The following TEX15 variants were observed in gnomAD, a reference collection of about 807,000 sequenced individuals.
The protein encoded by TEX15 is testis-expressed protein 15.
A neutral mutation model predicts 237.3 loss-of-function variants in TEX15; 171 were observed. The ratio of observed to expected loss-of-function variants is 0.72; its 90% confidence interval spans 0.64 to 0.82. TEX15 has a LOEUF of 0.82. Among genes scored for constraint, TEX15 ranks in the 40% least tolerant of loss-of-function variants. The pLI, the probability that TEX15 is intolerant of heterozygous loss-of-function variation, is 0.00. For synonymous variants in TEX15, 1,338 were observed against 1,269.8 expected (o/e 1.05, Z -1.14); for missense variants, 3,750 against 3,646.5 (o/e 1.03, Z -0.73).
intron 2 of TEX15, among the ~76,000 whole-genome samples, chr8:30,895,661 C>A (rs887694216): frequency 1.5e-5 from 2 of 137,006 alleles, no homozygotes; most frequent in Non-Finnish European, 3.0e-5. Flanking sequence ...CATGTCAACA[C>A]CTTTTAAACA....
In TEX15 at chr8:30,832,022, C is replaced by A. The variant is rs1334312014; in HGVS notation, c.*1264G>T. 6.6e-6 allele frequency: 1 copy of A among 152,146 alleles called. No homozygotes were observed. Among genetic ancestry groups the A allele is most frequent in the Non-Finnish European group, 1.5e-5 (1 of 68,008 alleles). The allele number at this position is 152,146 out of a possible 1,614,324, so 9.4% of individuals were successfully genotyped here. A position where few individuals can be genotyped will look rare whatever the true frequency, so the allele number is the denominator to read the frequency against. On this transcript the variant is annotated 3_prime_UTR_variant, in exon 11 of 11. Transcript: ENST00000643185. ...TACTTCTTTCGGTTACAGTTCTTTG[C>A]TTGACCTTCCCTTTTTAAAGATCTC...
chr8:30,849,405 T>C (rs1807717934), intron 7 of TEX15, 89 bp from the exon 8 acceptor site: 3 of 744,728 alleles, frequency 4.0e-6, no homozygotes, highest in East Asian at 2.7e-5. Context: ...GTAATTTTAA[T>C]TGAAAGTTCA....
intron 7 of TEX15, among the ~76,000 whole-genome samples, chr8:30,855,336 T>C: frequency 6.6e-6 from 1 of 152,204 alleles, no homozygotes; most frequent in East Asian, 1.9e-4. Flanking sequence ...CCATTTATGA[T>C]AGCACCAAAT....
chr8:30,885,615 C>T (rs910045594), intron 3 of TEX15, among the ~76,000 whole-genome samples: 16 of 152,034 alleles, frequency 1.1e-4, no homozygotes, highest in South Asian at 2.1e-4. Context: ...AGTCTCTTAA[C>T]GTGTATTATG....
intron 1 of TEX15, among the ~76,000 whole-genome samples, chr8:30,902,045 T>C (rs983863879): frequency 1.7e-4 from 26 of 152,182 alleles, no homozygotes; most frequent in Non-Finnish European, 3.4e-4. Flanking sequence ...TTGTTGGCAA[T>C]GCAAATCCTC....
At chr8:30,872,474 GTATAC>G (rs1808311567) in intron 4 of TEX15, among the ~76,000 whole-genome samples, 1 of 152,034 alleles carries the variant, frequency 6.6e-6, no homozygotes. Context: ...TATGTATTTA[GTATAC>G]TATACTTTTT....
In TEX15 at chr8:30,842,414, C is replaced by T. The variant is rs375275165; in HGVS notation, c.7753G>A (p.Glu2585Lys). The T allele has an allele frequency of 3.7e-6, 6 of 1,613,642 alleles. No homozygotes were observed. The highest frequency in any genetic ancestry group is 2.7e-5 in the African/African-American group (2 of 74,998). The change falls in exon 8 of 11, where the codon GAA becomes AAA. Residue 2585 changes from glutamate to lysine, a missense_variant. Glu to Lys is a moderately conservative substitution (Grantham distance 56). Transcript: ENST00000643185. The stretch of plus-strand genomic sequence containing the variant: ...GTAGAAAATTGATTGTAGTTGTATT[C>T]TAACTCTGTCACAGTGCTTCCATAA... ...INYGSTVTEL[E>K]YNYNQFSTLL...
intron 7 of TEX15, among the ~76,000 whole-genome samples, chr8:30,852,088 C>T (rs902504508): frequency 1.4e-5 from 2 of 138,780 alleles, no homozygotes; most frequent in Non-Finnish European, 3.1e-5. Context: ...GCCTTATGTA[C>T]ATTAATTTAA....
chr8:30,874,340 T>C (rs1183880368), intron 4 of TEX15, among the ~76,000 whole-genome samples: 2 of 152,194 alleles, frequency 1.3e-5, no homozygotes, highest in Non-Finnish European at 2.9e-5. Context: ...TGCTAAATTG[T>C]GCTTACACAA....
chr8:30,865,140 A>G (rs1258080699), intron 5 of TEX15, among the ~76,000 whole-genome samples: 2 of 152,128 alleles, frequency 1.3e-5, no homozygotes, highest in Non-Finnish European at 2.9e-5. Context: ...AGGAAACATT[A>G]TAACTGAAAC....
rs762395085 is a variant in TEX15 at position 30,837,887 on chromosome 8, T to G, written c.8397A>C (p.Ile2799=). 1 of 1,614,204 alleles carries G rather than the reference T, an allele frequency of 6.2e-7. No individual in the cohort carries two copies. The highest frequency in any genetic ancestry group is 8.5e-7 in the Non-Finnish European group (1 of 1,180,032). The change falls in exon 10 of 11, where the codon ATA becomes ATC. Residue 2799 remains isoleucine, a synonymous_variant. Transcript: ENST00000643185. ...AGTGATCAGATGAAACAGTTAAGTCTATTTTGCTTTCCGACTTTGATGCGC... is the reference window on the plus strand; with the variant it reads ...AGTGATCAGATGAAACAGTTAAGTCGATTTTGCTTTCCGACTTTGATGCGC... ...DTCASKSESK[I]DLTVSSDHFS...
At chr8:30,901,722 T>C (rs1171617144) in intron 1 of TEX15, among the ~76,000 whole-genome samples, 1 of 152,178 alleles carries the variant, frequency 6.6e-6, no homozygotes, top group Non-Finnish European at 1.5e-5. Context: ...AAAAATCTAT[T>C]CCACTCAACC....
rs745982767 is a variant in TEX15, at chr8:30,845,452, TTTTC to T, written c.4711_4714del (p.Glu1571IlefsTer40). On this transcript the variant is annotated frameshift_variant, in exon 8 of 11. Coordinates refer to ENST00000643185, the MANE Select transcript of TEX15 (RefSeq NM_001350162.2). LOFTEE classifies it high-confidence loss of function. Reference sequence around the variant, plus strand: ...AGATAAAAATGCTGTATCAATTTGATTTTCTTTTTCTATTAGTTTCTCATCTGAG... The same window carrying T: ...AGATAAAAATGCTGTATCAATTTGATTTTTTCTATTAGTTTCTCATCTGAG... 4 of 1,612,858 alleles carry T rather than the reference TTTTC, an allele frequency of 2.5e-6. No individual in the cohort carries two copies. The highest frequency in any genetic ancestry group is 2.2e-5 in the East Asian group (1 of 44,864).
chr8:30,866,658 T>A (rs79356693), intron 5 of TEX15, among the ~76,000 whole-genome samples: 33 of 152,126 alleles, frequency 2.2e-4, no homozygotes, highest in African/African-American at 7.5e-4. Context: ...GATACTTTCA[T>A]AATACACTAT....
Position 30,847,890 on chromosome 8 carries a change from G to A in TEX15, c.2277C>T (p.Ser759=). Residue 759 remains serine (S), a synonymous_variant, in exon 8 of 11, where the codon AGC becomes AGT. Coordinates refer to ENST00000643185, the MANE Select transcript of TEX15 (RefSeq NM_001350162.2). ...GTTTCGGGAAAGCTTCAGTTATAAT[G>A]CTAGCATAATTTTGATTTATTTTCC... The part of the protein sequence containing the change: ...KLGKINQNYA[S]IITEAFPKPK... 1 of 1,613,824 alleles carries A rather than the reference G, an allele frequency of 6.2e-7. No individual in the cohort carries two copies. The highest frequency in any genetic ancestry group is 1.1e-5 in the South Asian group (1 of 91,074).
chr8:30,900,450 A>AT (rs1808986069), intron 1 of TEX15, among the ~76,000 whole-genome samples: 1 of 152,236 alleles, frequency 6.6e-6, no homozygotes, highest in South Asian at 2.1e-4. Flanking sequence ...CAACAATTAT[A>AT]TGAGTAATAT....
intron 4 of TEX15, among the ~76,000 whole-genome samples, chr8:30,870,667 G>C (rs575090233): frequency 2.0e-5 from 3 of 152,064 alleles, no homozygotes; most frequent in African/African-American, 7.2e-5. Flanking sequence ...CTGGCCCAAA[G>C]TGCAATATAA....
intron 7 of TEX15, among the ~76,000 whole-genome samples, chr8:30,851,083 T>C (rs896260053): frequency 4.6e-5 from 7 of 152,190 alleles, no homozygotes; most frequent in South Asian, 2.1e-4. Context: ...CGATATGTTA[T>C]ATGTAATCAT....
chr8:30,846,084 T>G lies in TEX15; in HGVS notation c.4083A>C (p.Leu1361=), dbSNP rs752207089. Residue 1361 remains leucine, a synonymous_variant, in exon 8 of 11, where the codon CTA becomes CTC. Coordinates refer to ENST00000643185, the MANE Select transcript of TEX15 (RefSeq NM_001350162.2). ...AAGATGCTTCATCACTTAGGATATT[T>G]AGGACACTCTTAATGTGCTTTTCTG... is the stretch of plus-strand genomic sequence containing the variant. ...SQSEKHIKSV[L]NILSDEASLC... 1.2e-5 allele frequency: 19 copies of G among 1,613,490 alleles called. No individual in the cohort carries two copies. Among genetic ancestry groups the G allele is most frequent in the Non-Finnish European group, 1.6e-5 (19 of 1,179,592 alleles).
Sources: allele counts gnomAD v4.1 joint callset (sites outside exome capture counted in the v4.1 genomes callset), GRCh38; gene constraint gnomAD v4.1.1; transcripts MANE v1.5; gene names NCBI Gene and HGNC (gene_info 2026-07-23, HGNC 2026-07-21).